The following ZFAT variants were observed in gnomAD, a reference collection of about 807,000 sequenced individuals.
ZFAT encodes the protein zinc finger and AT-hook domain containing.
ZFAT carries 64 observed loss-of-function variants against 117.7 expected under a neutral mutation model. The ratio of observed to expected loss-of-function variants is 0.54; its 90% confidence interval spans 0.44 to 0.67. ZFAT has a LOEUF of 0.67. ZFAT is among the 30% of genes least tolerant of loss of function. The probability of loss-of-function intolerance (pLI) is 0.00; values close to 1 mark genes in which losing one functional copy is unlikely to be tolerated. For synonymous variants in ZFAT, 679 were observed against 615.0 expected, an observed-to-expected ratio of 1.10 and a Z score of -1.54; for missense variants, 1,433 against 1,584.5, an observed-to-expected ratio of 0.90 and a Z score of 1.62.
chr8:134,759,762 G>A, the ZFAT span, among the ~76,000 whole-genome samples: 29 of 152,070 alleles, frequency 1.9e-4, no homozygotes, highest in Non-Finnish European at 3.1e-4. Context: ...GATCACCTGA[G>A]GTCAGGGGTT....
At chr8:134,697,601 C>G in intron 1 of ZFAT, among the ~76,000 whole-genome samples, 1 of 151,204 alleles carries the variant, frequency 6.6e-6, no homozygotes, top group Non-Finnish European at 1.5e-5. Flanking sequence ...GTAGCGGGCG[C>G]CTGTAGTCCC....
intron 1 of ZFAT, among the ~76,000 whole-genome samples, chr8:134,679,606 T>C (rs1832971063): frequency 6.6e-6 from 1 of 152,268 alleles, no homozygotes; most frequent in Non-Finnish European, 1.5e-5. Flanking sequence ...CAAAGGATTA[T>C]AAAACATTCT....
chr8:134,510,035 C>A lies in ZFAT; in HGVS notation c.3362-286G>T, dbSNP rs1819698934. 6.3e-6 allele frequency: 3 copies of A among 477,958 alleles called. No homozygotes were observed. In the East Asian group the frequency reaches 1.8e-4, roughly 29 times the overall value. The allele number at this position is 477,958 out of a possible 1,614,324, so 29.6% of individuals were successfully genotyped here. On this transcript the variant is annotated intron_variant, in intron 14 of 15. Transcript: ENST00000377838. ...CTCATTTGGGCCACTGAGTCAGTTA[C>A]ACCACAAAGCCAGAACTTGAACCCA...
intron 5 of ZFAT, among the ~76,000 whole-genome samples, chr8:134,606,064 G>C (rs187343476): frequency 1.4e-4 from 22 of 152,304 alleles, no homozygotes; most frequent in African/African-American, 5.1e-4. Context: ...CTAAGCAAGA[G>C]GGAGGAAAGG....
At chr8:134,590,427 C>T in intron 7 of ZFAT, 72 bp from the exon 8 acceptor site, 14 of 1,148,688 alleles carry the variant, frequency 1.2e-5, no homozygotes, top group Non-Finnish European at 1.8e-5. Context: ...TAACCATCAT[C>T]ATCACCATCA....
chr8:134,495,844 C>A (rs11777890), intron 15 of ZFAT, among the ~76,000 whole-genome samples: 20,898 of 152,052 alleles, frequency 0.14, 1,847 homozygotes, highest in Non-Finnish European at 0.19. Context: ...GTGGGAGGAT[C>A]GCTTGAGTAG....
At chr8:134,569,415 G>A (rs549936245) in intron 10 of ZFAT, among the ~76,000 whole-genome samples, 70 of 152,218 alleles carry the variant, frequency 4.6e-4, no homozygotes, top group African/African-American at 1.4e-3. Context: ...TACAATTTCC[G>A]AAATGGAAGG....
chr8:134,691,349 G>GC (rs11403516), intron 1 of ZFAT, among the ~76,000 whole-genome samples: 136,644 of 152,132 alleles, frequency 0.9, 61,596 homozygotes, highest in African/African-American at 0.94. Context: ...CTCAGGCGGG[G>GC]CTCAGGTGGT....
rs369064908 is a variant in ZFAT, at chr8:134,654,781, A to G, written c.196+2780T>C. Among the ~76,000 whole-genome samples the G allele has an allele frequency of 3.9e-5, 6 of 152,358 alleles. No homozygotes were observed. The East Asian group carries it at 5.8e-4, about 15-fold the overall frequency. On this transcript the variant is annotated intron_variant, in intron 2 of 15. Transcript: ENST00000377838. ...ACTGGACACACACGGAAGGGGCTGT[A>G]CCCTGTGTCAGGCCCCATGCCAGGA... is the stretch of plus-strand genomic sequence containing the variant.
At chr8:134,735,243 T>G in the ZFAT span, among the ~76,000 whole-genome samples, 5,230 of 152,234 alleles carry the variant, frequency 0.034, 315 homozygotes, top group African/African-American at 0.12. Context: ...GCATTTTTCC[T>G]AGCAAGAGCT....
chr8:134,817,546 A>T, the ZFAT span, among the ~76,000 whole-genome samples: 1 of 152,114 alleles, frequency 6.6e-6, no homozygotes, highest in Non-Finnish European at 1.5e-5. Context: ...TACTGAGAGA[A>T]ATTAATGAAG....
intron 13 of ZFAT, among the ~76,000 whole-genome samples, chr8:134,517,977 C>T (rs1006888771): frequency 6.6e-6 from 1 of 152,146 alleles, no homozygotes; most frequent in Non-Finnish European, 1.5e-5. Flanking sequence ...GTGGTACCTC[C>T]ACCATAAAGT....
chr8:134,697,997 C>A (rs980652148), intron 1 of ZFAT, among the ~76,000 whole-genome samples: 1 of 151,732 alleles, frequency 6.6e-6, no homozygotes, highest in Non-Finnish European at 1.5e-5. Context: ...GATAAGGGAG[C>A]CACCAGGGCC....
At chr8:134,825,348 A>G in the ZFAT span, among the ~76,000 whole-genome samples, 1 of 152,228 alleles carries the variant, frequency 6.6e-6, no homozygotes, top group South Asian at 2.1e-4. Flanking sequence ...CTTTCTCTTT[A>G]CCTTTACCCC....
chr8:134,747,288 C>A, the ZFAT span, among the ~76,000 whole-genome samples: 1 of 151,930 alleles, frequency 6.6e-6, no homozygotes, highest in African/African-American at 2.4e-5. Flanking sequence ...TGAGGTCTCA[C>A]TGTGTTGCCC....
intron 2 of ZFAT, among the ~76,000 whole-genome samples, chr8:134,640,265 G>A (rs1175912496): frequency 1.3e-5 from 2 of 152,234 alleles, no homozygotes; most frequent in Non-Finnish European, 2.9e-5. Flanking sequence ...ATCTGTAGTA[G>A]TAAGAAAGAA....
At chr8:134,604,013 T>C (rs1827704131) in intron 5 of ZFAT, among the ~76,000 whole-genome samples, 1 of 152,238 alleles carries the variant, frequency 6.6e-6, no homozygotes, top group Non-Finnish European at 1.5e-5. Flanking sequence ...TGTTAACACC[T>C]GCCAATGTGT....
intron 11 of ZFAT, among the ~76,000 whole-genome samples, chr8:134,550,217 C>A (rs1267973944): frequency 7.0e-6 from 1 of 143,508 alleles, no homozygotes; most frequent in African/African-American, 2.6e-5. Context: ...AGATAAAAAT[C>A]TTTTAATATA....
At chr8:134,588,607 C>G (rs73365331) in intron 8 of ZFAT, among the ~76,000 whole-genome samples, 5,485 of 152,212 alleles carry the variant, frequency 0.036, 350 homozygotes, top group African/African-American at 0.12. Context: ...AATGGAGAAG[C>G]AACATCACAA....
Sources: gnomAD v4.1 joint callset for allele counts (sites outside exome capture counted in the v4.1 genomes callset) on GRCh38, gnomAD v4.1.1 for gene constraint, MANE v1.5 for transcripts, NCBI Gene and HGNC (gene_info 2026-07-23, HGNC 2026-07-21) for gene names.